The following SPHKAP variants were observed in gnomAD, a reference collection of about 807,000 sequenced individuals.
The protein encoded by SPHKAP is A-kinase anchor protein SPHKAP.
A neutral mutation model predicts 137.5 loss-of-function variants in SPHKAP; 67 were observed. That is an observed-to-expected ratio of 0.49 (90% CI 0.40 to 0.60). The LOEUF is 0.60. Ranked by LOEUF, SPHKAP falls within the 20% of genes least tolerant of loss-of-function variation. The pLI is 0.00. For missense variants in SPHKAP, 2,097 were observed against 2,069.3 expected (o/e 1.01, Z -0.26); for synonymous variants, 813 against 785.3 (o/e 1.04, Z -0.59).
intron 3 of SPHKAP, among the ~76,000 whole-genome samples, chr2:228,104,155 C>G (rs1026548041): frequency 6.7e-6 from 1 of 148,806 alleles, no homozygotes; most frequent in South Asian, 2.1e-4. Context: ...ACTATCTGCA[C>G]TAGGTAATTT....
intron 3 of SPHKAP, among the ~76,000 whole-genome samples, chr2:228,064,934 G>A (rs1472860344): frequency 6.6e-6 from 1 of 152,220 alleles, no homozygotes; most frequent in Non-Finnish European, 1.5e-5. Context: ...TCAGCATGGT[G>A]TTTGAAGCAA....
At chr2:228,104,968 CTTTCTT>C in intron 3 of SPHKAP, among the ~76,000 whole-genome samples, 1 of 152,202 alleles carries the variant, frequency 6.6e-6, no homozygotes, top group South Asian at 2.1e-4. Flanking sequence ...GCTTTCTTTT[CTTTCTT>C]TTTCTTTTTT....
Position 228,021,834 on chromosome 2 carries a change from G to T in SPHKAP, c.574C>A (p.Leu192Met), listed in dbSNP as rs764119327. Residue 192 changes from leucine (L) to methionine (M), a missense_variant, in exon 6 of 12, where the codon CTG becomes ATG. Coordinates refer to ENST00000392056, the MANE Select transcript of SPHKAP (RefSeq NM_001142644.2). ...TCCAGTTTCAAGATGTTTGTTTCCA[G>T]GTGGAGCTGTCGCTCCTGCACCAGT... ...LELVQERQLHLETNILKLEDD... is the reference protein window; with the variant it reads ...LELVQERQLHMETNILKLEDD... 9.3e-6 allele frequency: 15 copies of T among 1,614,014 alleles called. No individual in the cohort carries two copies. The Admixed American group carries it at 2.0e-4, about 22-fold the overall frequency.
intron 3 of SPHKAP, among the ~76,000 whole-genome samples, chr2:228,080,208 A>G (rs1697318459): frequency 6.6e-6 from 1 of 152,332 alleles, no homozygotes; most frequent in East Asian, 1.9e-4. Flanking sequence ...GTGGGAGAAC[A>G]TATTTGCAGA....
At chr2:228,007,470 C>T (rs893785304) in intron 7 of SPHKAP, among the ~76,000 whole-genome samples, 4 of 151,898 alleles carry the variant, frequency 2.6e-5, no homozygotes, top group African/African-American at 7.3e-5. Flanking sequence ...TTTCTCTGTC[C>T]ACCTCCCCCA....
chr2:227,995,738 AC>A, intron 7 of SPHKAP, 44 bp from the exon 8 acceptor site: 3 of 1,488,856 alleles, frequency 2.0e-6, no homozygotes, highest in East Asian at 4.6e-5. Context: ...CAGCACACAC[AC>A]ACACACACAG....
intron 1 of SPHKAP, among the ~76,000 whole-genome samples, chr2:228,138,486 T>C (rs2106383151): frequency 6.6e-6 from 1 of 152,320 alleles, no homozygotes; most frequent in South Asian, 2.1e-4. Context: ...CTTTCTTTCC[T>C]AGGTTGGACA....
chr2:228,116,230 T>C (rs1698707390), intron 2 of SPHKAP, among the ~76,000 whole-genome samples: 2 of 152,192 alleles, frequency 1.3e-5, no homozygotes, highest in African/African-American at 4.8e-5. Context: ...GTTCGTATTG[T>C]AATTCTCTCA....
chr2:228,177,139 G>A (rs903562733), intron 1 of SPHKAP, among the ~76,000 whole-genome samples: 6 of 151,740 alleles, frequency 4.0e-5, no homozygotes, highest in African/African-American at 1.5e-4. Context: ...CATGGAGCAA[G>A]GGCCCATAAA....
intron 3 of SPHKAP, among the ~76,000 whole-genome samples, chr2:228,088,087 T>C: frequency 6.6e-6 from 1 of 152,166 alleles, no homozygotes; most frequent in East Asian, 1.9e-4. Context: ...AACTGAGTTG[T>C]ACTGCAGTGA....
intron 1 of SPHKAP, among the ~76,000 whole-genome samples, chr2:228,144,351 C>T (rs72967089): frequency 0.11 from 16,566 of 152,136 alleles, 1,137 homozygotes; most frequent in East Asian, 0.18. Flanking sequence ...ATGCACTTAT[C>T]TTTTTTGGTT....
At chr2:228,054,653 T>G (rs1387559348) in intron 3 of SPHKAP, among the ~76,000 whole-genome samples, 1 of 152,118 alleles carries the variant, frequency 6.6e-6, no homozygotes, top group Non-Finnish European at 1.5e-5. Flanking sequence ...AAAGTGGGAC[T>G]TGGGCATGAG....
At position 228,016,773 on chromosome 2, in the gene SPHKAP, T is replaced by G. The variant is rs201713172; in HGVS notation, c.4081A>C (p.Thr1361Pro). The G allele has an allele frequency of 1.2e-5, 20 of 1,613,956 alleles. No individual in the cohort carries two copies. In the South Asian group the frequency reaches 1.6e-4, roughly 13 times the overall value. Residue 1361 changes from threonine to proline, a missense_variant, in exon 7 of 12, where the codon ACT becomes CCT. By Grantham distance (38) the Thr-to-Pro change is conservative (BLOSUM62 -1). Coordinates refer to ENST00000392056, the MANE Select transcript of SPHKAP (RefSeq NM_001142644.2). ...LAASRMCSGP[T>P]LLVQESLDCP... ...TCGAGAGACTCCTGAACAAGCAGAG[T>G]TGGCCCACTGCACATCCTGCTCGCA...
At chr2:228,109,346 A>G in intron 2 of SPHKAP, 1 of 983,482 alleles carries the variant, frequency 1.0e-6, no homozygotes, top group South Asian at 4.7e-5. Context: ...TTTTTCATTG[A>G]TGGAATATTG....
At chr2:228,075,321 T>C (rs1184651409) in intron 3 of SPHKAP, among the ~76,000 whole-genome samples, 1 of 152,208 alleles carries the variant, frequency 6.6e-6, no homozygotes, top group Non-Finnish European at 1.5e-5. Flanking sequence ...CAGGTGTATA[T>C]GCACCTGCCC....
At chr2:228,069,041 T>C (rs1392603416) in intron 3 of SPHKAP, among the ~76,000 whole-genome samples, 8 of 152,016 alleles carry the variant, frequency 5.3e-5, no homozygotes. Flanking sequence ...CTGAGGCAGG[T>C]GGATCACTTG....
chr2:228,115,166 T>C (rs189252989), intron 2 of SPHKAP, among the ~76,000 whole-genome samples: 16 of 152,264 alleles, frequency 1.1e-4, no homozygotes, highest in Non-Finnish European at 1.8e-4. Flanking sequence ...CCATCAATCA[T>C]TTTCCTTATC....
intron 1 of SPHKAP, among the ~76,000 whole-genome samples, chr2:228,178,222 G>T (rs1700795914): frequency 6.6e-6 from 1 of 152,098 alleles, no homozygotes; most frequent in Non-Finnish European, 1.5e-5. Flanking sequence ...GGACTTGAAG[G>T]CAGAAAAATT....
intron 1 of SPHKAP, among the ~76,000 whole-genome samples, chr2:228,167,395 G>A (rs72617143): frequency 0.035 from 5,315 of 152,120 alleles, 393 homozygotes; most frequent in East Asian, 0.23. Context: ...TGAAGTCAAC[G>A]TACCTTTTTA....
Sources: gnomAD v4.1 joint callset for allele counts (sites outside exome capture counted in the v4.1 genomes callset) on GRCh38, gnomAD v4.1.1 for gene constraint, MANE v1.5 for transcripts, NCBI Gene and HGNC (gene_info 2026-07-23, HGNC 2026-07-21) for gene names.